Variants in PDE7A observed in about 807,000 individuals in gnomAD.
PDE7A encodes phosphodiesterase 7A.
Under a neutral mutation model 64.3 loss-of-function variants are expected in PDE7A, and 39 were observed. The ratio of observed to expected loss-of-function variants is 0.61; its 90% CI spans 0.47 to 0.79. The LOEUF (loss-of-function observed/expected upper bound fraction) is 0.79, where lower values mean the gene tolerates loss of function less well. Ranked by LOEUF, PDE7A falls within the 30% of genes least tolerant of loss-of-function variation. The pLI is 0.00. For missense variants in PDE7A, 470 were observed against 582.8 expected (o/e 0.81, Z 1.99); for synonymous variants, 203 against 206.8 (o/e 0.98, Z 0.16).
intron 1 of PDE7A, among the ~76,000 whole-genome samples, chr8:65,795,692 A>T (rs924993270): frequency 1.3e-5 from 2 of 152,152 alleles, no homozygotes; most frequent in African/African-American, 2.4e-5. Flanking sequence ...ACTTACAATA[A>T]GCGTAAAGGG....
chr8:65,781,909 G>C (rs965863115), intron 2 of PDE7A, among the ~76,000 whole-genome samples: 5 of 152,156 alleles, frequency 3.3e-5, no homozygotes, highest in African/African-American at 1.2e-4. Flanking sequence ...GGAAAAATAT[G>C]TACTGGAGTA....
intron 2 of PDE7A, among the ~76,000 whole-genome samples, chr8:65,780,638 C>G (rs1356125197): frequency 6.6e-6 from 1 of 152,192 alleles, no homozygotes; most frequent in Non-Finnish European, 1.5e-5. Context: ...GATTCAAAAA[C>G]TTGACTTTGA....
At chr8:65,812,238 T>G (rs1298820723) in intron 1 of PDE7A, among the ~76,000 whole-genome samples, 5 of 142,248 alleles carry the variant, frequency 3.5e-5, no homozygotes, top group South Asian at 2.2e-4. Flanking sequence ...AGTCCAGGAA[T>G]AGAACAAAAT....
At chr8:65,759,464 C>T (rs982498646) in intron 3 of PDE7A, among the ~76,000 whole-genome samples, 7 of 152,104 alleles carry the variant, frequency 4.6e-5, no homozygotes, top group Non-Finnish European at 1.0e-4. Context: ...GGCCATATCC[C>T]CACAGGCCAC....
At chr8:65,824,702 G>A (rs1810626883) in intron 1 of PDE7A, among the ~76,000 whole-genome samples, 1 of 152,202 alleles carries the variant, frequency 6.6e-6, no homozygotes, top group South Asian at 2.1e-4. Context: ...TCAGAAGACT[G>A]TTAGCCTTTT....
At chr8:65,741,581 G>T (rs1807439811) in intron 5 of PDE7A, among the ~76,000 whole-genome samples, 1 of 152,144 alleles carries the variant, frequency 6.6e-6, no homozygotes, top group Non-Finnish European at 1.5e-5. Flanking sequence ...AAAGAAAAAA[G>T]CATTTCAAAT....
chr8:65,808,056 C>T (rs1810151843), intron 1 of PDE7A, among the ~76,000 whole-genome samples: 1 of 152,178 alleles, frequency 6.6e-6, no homozygotes, highest in Non-Finnish European at 1.5e-5. Flanking sequence ...ATGTCTTCCC[C>T]ACCCCCATTC....
chr8:65,738,219 G>A (rs1428195297), intron 6 of PDE7A, among the ~76,000 whole-genome samples: 2 of 152,072 alleles, frequency 1.3e-5, no homozygotes, highest in Non-Finnish European at 2.9e-5. Flanking sequence ...ATCATTATGT[G>A]AACCTTCATT....
chr8:65,733,341 T>C (rs1806982445), intron 7 of PDE7A, among the ~76,000 whole-genome samples: 1 of 152,204 alleles, frequency 6.6e-6, no homozygotes, highest in South Asian at 2.1e-4. Flanking sequence ...TTTTGTGTGC[T>C]GCAGAGAACT....
chr8:65,815,272 T>A (rs114214312), intron 1 of PDE7A, among the ~76,000 whole-genome samples: 1 of 152,266 alleles, frequency 6.6e-6, no homozygotes, highest in South Asian at 2.1e-4. Context: ...ATAAGAGCCA[T>A]TAAATTTAGA....
intron 1 of PDE7A, among the ~76,000 whole-genome samples, chr8:65,814,057 T>G (rs190566915): frequency 2.5e-3 from 373 of 151,868 alleles, no homozygotes; most frequent in Middle Eastern, 6.8e-3. Context: ...GGTATTTTCA[T>G]TACTGAATTT....
intron 3 of PDE7A, among the ~76,000 whole-genome samples, chr8:65,764,496 G>C (rs1345409578): frequency 6.6e-6 from 1 of 152,188 alleles, no homozygotes; most frequent in African/African-American, 2.4e-5. Flanking sequence ...AGTACAGTAT[G>C]AAAGTTAGAT....
intron 1 of PDE7A, among the ~76,000 whole-genome samples, chr8:65,799,588 T>G (rs905343449): frequency 1.3e-5 from 2 of 152,130 alleles, no homozygotes; most frequent in Admixed American, 6.5e-5. Flanking sequence ...AACAGGAGAA[T>G]AGAGAAATGT....
chr8:65,802,272 A>G (rs1342658140), intron 1 of PDE7A, among the ~76,000 whole-genome samples: 5 of 152,256 alleles, frequency 3.3e-5, no homozygotes, highest in Non-Finnish European at 2.9e-5. Context: ...ACTGCACAAC[A>G]CTGTGAATGT....
chr8:65,737,710 G>T (rs966777365), intron 6 of PDE7A, among the ~76,000 whole-genome samples: 1 of 152,024 alleles, frequency 6.6e-6, no homozygotes, highest in Non-Finnish European at 1.5e-5. Context: ...GTAGAGACGG[G>T]GTTTCACCAT....
At chr8:65,822,937 AAC>A (rs1459795600) in intron 1 of PDE7A, among the ~76,000 whole-genome samples, 1 of 145,962 alleles carries the variant, frequency 6.9e-6, no homozygotes, top group African/African-American at 2.7e-5. Flanking sequence ...CTTATCTATT[AAC>A]TTTATCTATC....
intron 1 of PDE7A, among the ~76,000 whole-genome samples, chr8:65,809,317 G>T (rs1563515660): frequency 6.6e-6 from 1 of 152,166 alleles, no homozygotes; most frequent in African/African-American, 2.4e-5. Context: ...TTTATAATCA[G>T]GAAGTTATGA....
At chr8:65,759,276 A>T (rs1808382087) in intron 3 of PDE7A, among the ~76,000 whole-genome samples, 3 of 152,208 alleles carry the variant, frequency 2.0e-5, no homozygotes. Context: ...TGAGGGGCTC[A>T]GGACAGTACT....
At chr8:65,818,640 G>C (rs563159392) in intron 1 of PDE7A, among the ~76,000 whole-genome samples, 2 of 152,240 alleles carry the variant, frequency 1.3e-5, no homozygotes, top group African/African-American at 4.8e-5. Flanking sequence ...GCTCTGAGTT[G>C]AACTTCCCAA....
Sources: allele counts gnomAD v4.1 joint callset (sites outside exome capture counted in the v4.1 genomes callset), GRCh38; gene constraint gnomAD v4.1.1; transcripts MANE v1.5; gene names NCBI Gene and HGNC (gene_info 2026-07-23, HGNC 2026-07-21).